The following ZNF532 variants were observed in gnomAD, a reference collection of about 807,000 sequenced individuals.
ZNF532 encodes zinc finger protein 532.
ZNF532 carries 22 observed loss-of-function variants against 89.3 expected under a neutral mutation model. The ratio of observed to expected loss-of-function variants is 0.25; its 90% CI spans 0.18 to 0.35. The LOEUF is 0.35. Ranked by LOEUF, ZNF532 falls within the 10% of genes least tolerant of loss-of-function variation. ZNF532 has a pLI of 1.00. For synonymous variants in ZNF532, 606 were observed against 649.6 expected (o/e 0.93, Z 1.02); for missense variants, 1,132 against 1,643.4 (o/e 0.69, Z 5.38).
At chr18:58,918,247 A>G in intron 2 of ZNF532, 24 bp from the exon 3 acceptor site, 1 of 1,583,320 alleles carries the variant, frequency 6.3e-7, no homozygotes, top group South Asian at 1.1e-5. Context: ...TTACTGATGG[A>G]ACTATTTTCT....
At chr18:58,865,881 A>G (rs958941079) in intron 2 of ZNF532, among the ~76,000 whole-genome samples, 12 of 152,238 alleles carry the variant, frequency 7.9e-5, no homozygotes, top group African/African-American at 2.7e-4. Context: ...GCTGTTTTGC[A>G]TAAGACGAAA....
chr18:58,889,784 CAAAA>C (rs1210071335), intron 2 of ZNF532, among the ~76,000 whole-genome samples: 2 of 141,372 alleles, frequency 1.4e-5, no homozygotes, highest in Non-Finnish European at 3.1e-5. Context: ...AAACAAAAAA[CAAAA>C]AAACCCCAAA....
intron 2 of ZNF532, among the ~76,000 whole-genome samples, chr18:58,878,284 A>T (rs557141326): frequency 6.6e-6 from 1 of 151,308 alleles, no homozygotes; most frequent in East Asian, 2.0e-4. Flanking sequence ...ACGAAAAAAA[A>T]CCACTGGGCA....
chr18:58,865,191 C>T lies in ZNF532; in HGVS notation c.-322C>T, dbSNP rs999361497. ...GACACTTGGTTGATGCAGTCTCTCT[C>T]TCTCTTTCTCGGTGTTTATAACAAA... On this transcript the variant is annotated 5_prime_UTR_variant, in exon 1 of 10. Coordinates refer to ENST00000591808, the MANE Select transcript of ZNF532 (RefSeq NM_001375912.1). 5 of 151,942 alleles carry T rather than the reference C, an allele frequency of 3.3e-5. No homozygotes were observed. Among genetic ancestry groups the T allele is most frequent in the Admixed American group, 2.0e-4 (3 of 15,254 alleles). 9.4% of individuals were successfully genotyped at this position (151,942 alleles called of 1,614,324 possible).
At chr18:58,889,619 G>A (rs1317142993) in intron 2 of ZNF532, among the ~76,000 whole-genome samples, 1 of 151,596 alleles carries the variant, frequency 6.6e-6, no homozygotes, top group South Asian at 2.1e-4. Flanking sequence ...GGCCAATATG[G>A]TGAAACCCCC....
chr18:58,981,424 T>C, intron 8 of ZNF532, 46 bp from the exon 9 acceptor site: 1 of 1,593,318 alleles, frequency 6.3e-7, no homozygotes, highest in Non-Finnish European at 8.5e-7. Flanking sequence ...CCACAGGAGC[T>C]TATTTTGTCA....
At chr18:58,929,790 G>A (rs1443697527) in intron 3 of ZNF532, among the ~76,000 whole-genome samples, 1 of 152,218 alleles carries the variant, frequency 6.6e-6, no homozygotes, top group African/African-American at 2.4e-5. Context: ...CATTTCTGCT[G>A]TATTTGCTTG....
chr18:58,874,750 A>G (rs2057295993), intron 2 of ZNF532, among the ~76,000 whole-genome samples: 2 of 152,212 alleles, frequency 1.3e-5, no homozygotes, highest in East Asian at 1.9e-4. Context: ...ACGTTGACCA[A>G]AGTTTAAAAC....
rs141890981 is a variant in ZNF532, at chr18:58,982,842, T to C, written c.3412-1130T>C. 5.7e-3 allele frequency among the ~76,000 whole-genome samples: 863 copies of C among 152,064 alleles called. 7 individuals are homozygous for C. The highest frequency in any genetic ancestry group is 0.02 in the African/African-American group (821 of 41,500). Reference sequence around the variant, plus strand: ...AAAGAATATGTGTGAAGCCAAGGCGTGGTGGCTCACACCTGTAATCCCAGC... The same window carrying C: ...AAAGAATATGTGTGAAGCCAAGGCGCGGTGGCTCACACCTGTAATCCCAGC... On this transcript the variant is annotated intron_variant, in intron 9 of 9. Transcript: ENST00000591808.
At chr18:58,948,500 T>G (rs2063854031) in intron 6 of ZNF532, among the ~76,000 whole-genome samples, 2 of 151,926 alleles carry the variant, frequency 1.3e-5, no homozygotes, top group Non-Finnish European at 2.9e-5. Context: ...AAGTACTAAG[T>G]TTTTTGTTTT....
At chr18:58,967,865 C>T (rs186736291) in intron 7 of ZNF532, among the ~76,000 whole-genome samples, 304 of 152,118 alleles carry the variant, frequency 2.0e-3, no homozygotes, top group Non-Finnish European at 3.3e-3. Context: ...AATTGCCGGC[C>T]GAAAGGGAGT....
chr18:58,973,105 A>G (rs17756758), intron 7 of ZNF532, among the ~76,000 whole-genome samples: 32,095 of 152,114 alleles, frequency 0.21, 4,348 homozygotes, highest in Middle Eastern at 0.37. Context: ...TGAAATATAT[A>G]TCTGTTTTTT....
chr18:58,888,802 TATATATAAAA>T lies in ZNF532; in HGVS notation c.-18+23225_-18+23234del, dbSNP rs1327759341. ...ATATATATAAAATATATATAATTTA[TATATATAAAA>T]AATTATATATATAAATTATATATAT... On this transcript the variant is annotated intron_variant, in intron 2 of 9. Transcript: ENST00000591808. Among the ~76,000 whole-genome samples, 16 of 58,854 alleles carry T rather than the reference TATATATAAAA, an allele frequency of 2.7e-4. 4 individuals are homozygous for T. In the East Asian group the frequency reaches 0.011, roughly 42 times the overall value. 38.6% of individuals were successfully genotyped at this position (58,854 alleles called of 152,430 possible).
chr18:58,984,621 C>T lies in ZNF532; in HGVS notation c.*155C>T, dbSNP rs1047866915. 2.4e-6 allele frequency: 2 copies of T among 837,520 alleles called. No individual in the cohort carries two copies. Among genetic ancestry groups the T allele is most frequent in the Non-Finnish European group, 3.6e-6 (2 of 548,514 alleles). 51.9% of individuals were successfully genotyped at this position (837,520 alleles called of 1,614,324 possible). A position where few individuals can be genotyped will look rare whatever the true frequency, so the allele number is the denominator to read the frequency against. On this transcript the variant is annotated 3_prime_UTR_variant, in exon 10 of 10. Coordinates refer to ENST00000591808, the MANE Select transcript of ZNF532 (RefSeq NM_001375912.1). ...CCTTCCTTCACCTCGTCGTATATAT[C>T]CTCGATAAGTATTAAAACAGTATTT... is the stretch of plus-strand genomic sequence containing the variant.
intron 7 of ZNF532, among the ~76,000 whole-genome samples, chr18:58,964,594 CTTT>C (rs963572008): frequency 9.1e-6 from 1 of 110,104 alleles, no homozygotes; most frequent in African/African-American, 3.2e-5. Flanking sequence ...CACAGTTTTT[CTTT>C]TTTTTTTTAG....
chr18:58,926,591 G>A (rs1247342964), intron 3 of ZNF532, among the ~76,000 whole-genome samples: 2 of 152,118 alleles, frequency 1.3e-5, no homozygotes, highest in African/African-American at 2.4e-5. Context: ...CAGGTGATCC[G>A]CCTGCCTCAG....
chr18:58,920,969 C>G (rs934112533), intron 3 of ZNF532, among the ~76,000 whole-genome samples: 1 of 151,660 alleles, frequency 6.6e-6, no homozygotes, highest in Non-Finnish European at 1.5e-5. Context: ...GTGCCTGTTG[C>G]GCCAGCTATA....
intron 7 of ZNF532, among the ~76,000 whole-genome samples, chr18:58,978,079 A>G (rs1207938841): frequency 6.6e-6 from 1 of 152,178 alleles, no homozygotes; most frequent in Non-Finnish European, 1.5e-5. Context: ...ATTTACTTCA[A>G]AGGTTCTGCA....
chr18:58,939,390 G>C, intron 4 of ZNF532, 55 bp from the exon 5 acceptor site: 1 of 1,491,362 alleles, frequency 6.7e-7, no homozygotes, highest in South Asian at 1.4e-5. Flanking sequence ...AGTTTTTGCA[G>C]TTACACGTGT....
Sources: gnomAD v4.1 joint callset for allele counts (sites outside exome capture counted in the v4.1 genomes callset) on GRCh38, gnomAD v4.1.1 for gene constraint, MANE v1.5 for transcripts, NCBI Gene and HGNC (gene_info 2026-07-23, HGNC 2026-07-21) for gene names.